HDAC4: variants seen among roughly 807,000 people sequenced by gnomAD.
The protein encoded by HDAC4 is histone deacetylase 4.
In HDAC4, 16 loss-of-function variants were observed where a neutral mutation model predicts 135.1. That is an observed-to-expected ratio of 0.12 (90% CI 0.08 to 0.18). The LOEUF (loss-of-function observed/expected upper bound fraction) is 0.18. Ranked by LOEUF, HDAC4 falls within the 10% of genes least tolerant of loss-of-function variation. The pLI is 1.00. For missense variants in HDAC4, 1,143 were observed against 1,511.8 expected (o/e 0.76, Z 4.05); for synonymous variants, 685 against 653.4 (o/e 1.05, Z -0.74).
At chr2:239,388,074 C>T (rs1020216173) in intron 1 of HDAC4, among the ~76,000 whole-genome samples, 3 of 152,212 alleles carry the variant, frequency 2.0e-5, no homozygotes, top group Admixed American at 6.5e-5. Flanking sequence ...ACTGCAGAAA[C>T]ATGGCAGGAC....
At chr2:239,351,297 A>G (rs1241902213) in intron 2 of HDAC4, among the ~76,000 whole-genome samples, 4 of 152,254 alleles carry the variant, frequency 2.6e-5, no homozygotes, top group Admixed American at 1.3e-4. Flanking sequence ...CAAGGTATCA[A>G]AAGAGCAAGT....
At chr2:239,360,880 G>T (rs989023994) in intron 1 of HDAC4, among the ~76,000 whole-genome samples, 1 of 152,170 alleles carries the variant, frequency 6.6e-6, no homozygotes, top group African/African-American at 2.4e-5. Context: ...CTGGTGTGCT[G>T]TAGGAAAAAG....
chr2:239,210,975 T>C (rs2046330043), intron 3 of HDAC4, among the ~76,000 whole-genome samples: 1 of 152,148 alleles, frequency 6.6e-6, no homozygotes, highest in South Asian at 2.1e-4. Flanking sequence ...CCACAAACAC[T>C]GAGGGTCCTT....
intron 12 of HDAC4, among the ~76,000 whole-genome samples, chr2:239,121,810 C>T (rs895856043): frequency 6.6e-6 from 1 of 152,304 alleles, no homozygotes; most frequent in Middle Eastern, 3.4e-3. Context: ...GGGTCACCTC[C>T]CTGGGCCATG....
intron 2 of HDAC4, among the ~76,000 whole-genome samples, chr2:239,267,378 T>C (rs2049800073): frequency 6.6e-6 from 1 of 152,206 alleles, no homozygotes; most frequent in Admixed American, 6.5e-5. Context: ...AGAGCACCAG[T>C]GGCCAACAGT....
chr2:239,242,389 T>G (rs1559274398), intron 2 of HDAC4, among the ~76,000 whole-genome samples: 1 of 152,236 alleles, frequency 6.6e-6, no homozygotes, highest in Non-Finnish European at 1.5e-5. Context: ...GTTTCAGAAT[T>G]TTCAGTGTTG....
chr2:239,107,959 A>C (rs1478479465), intron 15 of HDAC4, 91 bp downstream of exon 15: 4 of 1,541,932 alleles, frequency 2.6e-6, no homozygotes, highest in Admixed American at 3.4e-5. Context: ...AACCACCTGC[A>C]AAACCAACAC....
Position 239,245,532 on chromosome 2 carries a change from A to G in HDAC4, c.23-8868T>C, listed in dbSNP as rs766194201. On this transcript the variant is annotated intron_variant, in intron 2 of 26. Transcript: ENST00000543185. This position sits in a 1 kb window ranked among gnomAD's most constrained non-coding sequence, Gnocchi z 4.4. ...GTGTGATAATGGGGTTGGATCTGTT[A>G]GAAACACACATTCAAGTATTTAAGG... Among the ~76,000 whole-genome samples the G allele has an allele frequency of 1.0e-3, 153 of 152,202 alleles. No individual in the cohort carries two copies. The highest frequency in any genetic ancestry group is 3.8e-3 in the Admixed American group (58 of 15,284).
At chr2:239,201,713 A>C (rs2045766911) in intron 3 of HDAC4, among the ~76,000 whole-genome samples, 1 of 152,248 alleles carries the variant, frequency 6.6e-6, no homozygotes, top group Non-Finnish European at 1.5e-5. Flanking sequence ...AGCCCGGCCA[A>C]GCCCAGCCTG....
chr2:239,273,694 T>C (rs1195256870), intron 2 of HDAC4, among the ~76,000 whole-genome samples: 2 of 152,118 alleles, frequency 1.3e-5, no homozygotes, highest in Non-Finnish European at 2.9e-5. Flanking sequence ...AGGAGGAACT[T>C]GCTCAACACG....
rs896802033 is a variant in HDAC4, at chr2:239,299,997, G to A, written c.22+52681C>T. On this transcript the variant is annotated intron_variant, in intron 2 of 26. Coordinates refer to ENST00000543185, the MANE Select transcript of HDAC4 (RefSeq NM_001378414.1). The surrounding 1 kb of genome is among the most constrained non-coding windows in gnomAD (Gnocchi z 4.0). ...CATGAATTTCTCCCGAATTCCATCC[G>A]TAAGTGCCTTTCAATCCATGCCACT... Among the ~76,000 whole-genome samples the A allele has an allele frequency of 1.2e-4, 19 of 152,212 alleles. No individual in the cohort carries two copies. The highest frequency in any genetic ancestry group is 2.2e-4 in the Non-Finnish European group (15 of 68,036).
At chr2:239,395,894 T>C (rs1696525709) in intron 1 of HDAC4, among the ~76,000 whole-genome samples, 1 of 152,226 alleles carries the variant, frequency 6.6e-6, no homozygotes, top group South Asian at 2.1e-4. Flanking sequence ...ACAAGGAGAA[T>C]GGCATTTAAG....
At chr2:239,329,520 T>TCCCACCGGGACACC in intron 2 of HDAC4, among the ~76,000 whole-genome samples, 1 of 151,890 alleles carries the variant, frequency 6.6e-6, no homozygotes, top group Non-Finnish European at 1.5e-5. Context: ...ACACCCCTCC[T>TCCCACCGGGACACC]CCTTGCTCCC....
intron 1 of HDAC4, among the ~76,000 whole-genome samples, chr2:239,379,822 A>G (rs1226598032): frequency 6.6e-6 from 1 of 152,170 alleles, no homozygotes; most frequent in Non-Finnish European, 1.5e-5. Context: ...GGTCACACTC[A>G]CCACAGGGTC....
chr2:239,378,746 A>G (rs1695206234), intron 1 of HDAC4, among the ~76,000 whole-genome samples: 1 of 152,114 alleles, frequency 6.6e-6, no homozygotes, highest in Non-Finnish European at 1.5e-5. Context: ...GACCCCAGCA[A>G]CCAATGACCC....
intron 2 of HDAC4, among the ~76,000 whole-genome samples, chr2:239,350,274 T>A (rs1693036480): frequency 1.3e-5 from 2 of 150,130 alleles, no homozygotes; most frequent in South Asian, 2.1e-4. Flanking sequence ...TTTTAAGCTT[T>A]AAAAAAAAAC....
chr2:239,294,346 C>G (rs559828015), intron 2 of HDAC4, among the ~76,000 whole-genome samples: 3 of 152,294 alleles, frequency 2.0e-5, no homozygotes, highest in Non-Finnish European at 4.4e-5. Flanking sequence ...AGAGGCCTGA[C>G]TGATCAGATC....
chr2:239,090,106 T>G lies in HDAC4; in HGVS notation c.2291A>C (p.Asp764Ala), dbSNP rs2036367503. 1 of 1,612,258 alleles carries G rather than the reference T, an allele frequency of 6.2e-7. No homozygotes were observed. Among genetic ancestry groups the G allele is most frequent in the Non-Finnish European group, 8.5e-7 (1 of 1,178,784 alleles). Residue 764 changes from aspartate to alanine, a missense_variant, in exon 18 of 27, where the codon GAC becomes GCC. Coordinates refer to ENST00000543185, the MANE Select transcript of HDAC4 (RefSeq NM_001378414.1). Reference protein sequence around the residue: ...LPCGGVGVDSDTIWNEVHSAG... With the variant: ...LPCGGVGVDSATIWNEVHSAG... The stretch of plus-strand genomic sequence containing the variant: ...CGAGTGCACCTCGTTCCATATGGTG[T>G]CACTGTCCACCTGTGGAAACAACAC...
At chr2:239,212,340 G>A (rs1319945311) in intron 3 of HDAC4, among the ~76,000 whole-genome samples, 5 of 152,130 alleles carry the variant, frequency 3.3e-5, no homozygotes, top group Non-Finnish European at 7.3e-5. Context: ...AAAGAACACA[G>A]GCTAGGGCAC....
Sources: allele counts gnomAD v4.1 joint callset (sites outside exome capture counted in the v4.1 genomes callset), GRCh38; gene constraint gnomAD v4.1.1; non-coding constraint Gnocchi (gnomAD v3.1); transcripts MANE v1.5; gene names NCBI Gene and HGNC (gene_info 2026-07-23, HGNC 2026-07-21).